PTPRG: variants seen among roughly 807,000 people sequenced by gnomAD.
PTPRG encodes the protein receptor-type tyrosine-protein phosphatase gamma.
PTPRG carries 102 observed loss-of-function variants against 165.3 expected under a neutral mutation model. The ratio of observed to expected loss-of-function variants is 0.62; its 90% CI spans 0.53 to 0.73. The LOEUF (loss-of-function observed/expected upper bound fraction) is 0.73. Among genes scored for constraint, PTPRG ranks in the 30% least tolerant of loss-of-function variants. The pLI is 0.00. For synonymous variants in PTPRG, 675 were observed against 669.5 expected, an observed-to-expected ratio of 1.01 and a Z score of -0.13; for missense variants, 1,866 against 1,861.4, an observed-to-expected ratio of 1.00 and a Z score of -0.05.
intron 5 of PTPRG, among the ~76,000 whole-genome samples, chr3:62,101,204 G>C (rs1249096932): frequency 1.3e-5 from 2 of 152,272 alleles, no homozygotes; most frequent in African/African-American, 2.4e-5. Flanking sequence ...ATGTTGAACA[G>C]TTATCACACA....
chr3:62,291,080 G>A (rs914236712), intron 28 of PTPRG, among the ~76,000 whole-genome samples: 3 of 152,056 alleles, frequency 2.0e-5, no homozygotes, highest in African/African-American at 4.8e-5. Context: ...TTAATTAGGC[G>A]ATTTCAGAAG....
In PTPRG at chr3:61,962,405, A is replaced by G. The variant is rs548104804; in HGVS notation, c.191-27220A>G. Among the ~76,000 whole-genome samples, 35 of 152,338 alleles carry G rather than the reference A, an allele frequency of 2.3e-4. 1 individual carries two copies. Among genetic ancestry groups the G allele is most frequent in the Admixed American group, 2.3e-3 (35 of 15,296 alleles). ...CTGTAGTTGCATGGCTTGAGGGAAC[A>G]TGTTTAACCTCTTGAGTACAACTTT... On this transcript the variant is annotated intron_variant, in intron 2 of 29. Transcript: ENST00000474889.
intron 2 of PTPRG, among the ~76,000 whole-genome samples, chr3:61,865,866 A>G (rs780552076): frequency 6.6e-6 from 1 of 152,206 alleles, no homozygotes; most frequent in Non-Finnish European, 1.5e-5. Context: ...GTACTCTTCT[A>G]GAAAATGCTG....
chr3:62,206,933 A>AAAAAAAAAAAAAAACAAAAAAAAAC, intron 12 of PTPRG, among the ~76,000 whole-genome samples: 4 of 146,168 alleles, frequency 2.7e-5, no homozygotes, highest in African/African-American at 1.1e-4. Context: ...AAAAAAAAAA[A>AAAAAAAAAAAAAAACAAAAAAAAAC]AAAAAAGAAG....
At chr3:61,890,263 T>G (rs1380638930) in intron 2 of PTPRG, among the ~76,000 whole-genome samples, 2 of 152,194 alleles carry the variant, frequency 1.3e-5, no homozygotes, top group Non-Finnish European at 2.9e-5. Context: ...AAAGTAACAA[T>G]TTAGTGAAGG....
intron 1 of PTPRG, among the ~76,000 whole-genome samples, chr3:61,672,589 GC>G (rs1286652722): frequency 1.8e-5 from 1 of 55,902 alleles, no homozygotes; most frequent in Non-Finnish European, 4.0e-5. Flanking sequence ...GCATGGCGGC[GC>G]CGCCTGCAAT....
At chr3:61,743,137 G>A in intron 1 of PTPRG, 4 of 1,178,658 alleles carry the variant, frequency 3.4e-6, no homozygotes, top group Non-Finnish European at 5.0e-6. Flanking sequence ...CCGGAAAAGA[G>A]CGGGTCTGGT....
chr3:61,590,761 G>T (rs571166287), intron 1 of PTPRG, among the ~76,000 whole-genome samples: 3 of 152,010 alleles, frequency 2.0e-5, no homozygotes, highest in East Asian at 1.9e-4. Context: ...ATACTTGATT[G>T]TTGACCCCTA....
intron 2 of PTPRG, among the ~76,000 whole-genome samples, chr3:61,908,819 T>C (rs571942749): frequency 1.3e-5 from 2 of 152,316 alleles, no homozygotes; most frequent in African/African-American, 4.8e-5. Flanking sequence ...GTTTAAATCA[T>C]GTTAGGGCTT....
chr3:62,096,610 A>G (rs1575998147), intron 5 of PTPRG, among the ~76,000 whole-genome samples: 1 of 152,112 alleles, frequency 6.6e-6, no homozygotes, highest in African/African-American at 2.4e-5. Flanking sequence ...GTAAATGTTA[A>G]TTTTGCAGCC....
Position 61,968,093 on chromosome 3 carries a change from A to G in PTPRG, c.191-21532A>G, listed in dbSNP as rs553858681. Among the ~76,000 whole-genome samples the G allele has an allele frequency of 7.2e-5, 11 of 152,312 alleles. No individual in the cohort carries two copies. The South Asian group carries it at 2.1e-3, about 29-fold the overall frequency. The stretch of plus-strand genomic sequence containing the variant: ...TACAGTGACATGTTACTCTTCCATG[A>G]AATAATGCTTCTGACATTAAGCTAA... On this transcript the variant is annotated intron_variant, in intron 2 of 29. Transcript: ENST00000474889.
At chr3:61,656,787 T>C (rs1325765121) in intron 1 of PTPRG, among the ~76,000 whole-genome samples, 1 of 152,364 alleles carries the variant, frequency 6.6e-6, no homozygotes, top group African/African-American at 2.4e-5. Context: ...ATCCTTTAGT[T>C]GTTTTCGATT....
intron 5 of PTPRG, among the ~76,000 whole-genome samples, chr3:62,122,586 G>T (rs1405339080): frequency 6.6e-6 from 1 of 152,170 alleles, no homozygotes; most frequent in Non-Finnish European, 1.5e-5. Context: ...TTGTTCAGTG[G>T]CACCTTTCAC....
At chr3:61,900,992 G>C (rs1414073876) in intron 2 of PTPRG, among the ~76,000 whole-genome samples, 2 of 152,158 alleles carry the variant, frequency 1.3e-5, no homozygotes, top group East Asian at 1.9e-4. Flanking sequence ...AATAAGCATA[G>C]AAACTTGTTA....
intron 4 of PTPRG, 150 bp from the exon 5 acceptor site, chr3:62,078,013 A>C (rs1225734944): frequency 1.0e-5 from 6 of 593,104 alleles, no homozygotes; most frequent in Middle Eastern, 9.3e-4. Context: ...AAAAAAAAAA[A>C]AAAGTTAGCA....
At chr3:61,666,992 C>T (rs1172465695) in intron 1 of PTPRG, among the ~76,000 whole-genome samples, 1 of 152,172 alleles carries the variant, frequency 6.6e-6, no homozygotes, top group African/African-American at 2.4e-5. Flanking sequence ...AGTGTCTCCT[C>T]TCCCTTACCC....
chr3:61,563,401 C>T (rs928146209), intron 1 of PTPRG, among the ~76,000 whole-genome samples: 2 of 152,112 alleles, frequency 1.3e-5, no homozygotes, highest in Admixed American at 1.3e-4. Flanking sequence ...GCAGTTCCCC[C>T]TCCTCTCTCC....
At chr3:62,080,458 C>G (rs1701533588) in intron 5 of PTPRG, among the ~76,000 whole-genome samples, 1 of 152,064 alleles carries the variant, frequency 6.6e-6, no homozygotes, top group Non-Finnish European at 1.5e-5. Context: ...TTCCCACATG[C>G]CTGGCTAACA....
chr3:61,575,298 GA>G (rs1257935925), intron 1 of PTPRG, among the ~76,000 whole-genome samples: 2 of 152,100 alleles, frequency 1.3e-5, no homozygotes, highest in African/African-American at 4.8e-5. Flanking sequence ...AGGATTTTGT[GA>G]AAATAAATCT....
Sources: gnomAD v4.1 joint callset for allele counts (sites outside exome capture counted in the v4.1 genomes callset) on GRCh38, gnomAD v4.1.1 for gene constraint, MANE v1.5 for transcripts, NCBI Gene and HGNC (gene_info 2026-07-23, HGNC 2026-07-21) for gene names.